Variants in GRIN3A observed in about 807,000 individuals in gnomAD.
GRIN3A encodes the protein glutamate ionotropic receptor NMDA type subunit 3A.
In GRIN3A, 47 loss-of-function variants were observed where a neutral mutation model predicts 92.4. The observed-to-expected ratio is 0.51, with a 90% confidence interval of 0.40 to 0.65. The LOEUF (loss-of-function observed/expected upper bound fraction) is 0.65. Ranked by LOEUF, GRIN3A falls within the 30% of genes least tolerant of loss-of-function variation. The pLI, the probability that GRIN3A is intolerant of heterozygous loss-of-function variation, is 0.00. For missense variants in GRIN3A, 1,324 were observed against 1,393.1 expected, an observed-to-expected ratio of 0.95 and a Z score of 0.79; for synonymous variants, 527 against 540.6, an observed-to-expected ratio of 0.97 and a Z score of 0.35.
At chr9:101,597,620 A>G (rs1436101806) in intron 6 of GRIN3A, among the ~76,000 whole-genome samples, 1 of 152,016 alleles carries the variant, frequency 6.6e-6, no homozygotes, top group Non-Finnish European at 1.5e-5. Flanking sequence ...ACTTGCAGAC[A>G]CTCTTGTGTT....
chr9:101,623,261 G>C, intron 5 of GRIN3A, 57 bp downstream of exon 5: 1 of 1,182,280 alleles, frequency 8.5e-7, no homozygotes, highest in East Asian at 2.3e-5. Flanking sequence ...TGACTTTCTA[G>C]GTTGGCAAAC....
intron 1 of GRIN3A, among the ~76,000 whole-genome samples, chr9:101,696,298 A>G (rs1829683173): frequency 6.6e-6 from 1 of 152,230 alleles, no homozygotes; most frequent in South Asian, 2.1e-4. Flanking sequence ...TAGAAGACAT[A>G]ATGCATTTGC....
rs994642679 is a variant in GRIN3A at position 101,629,320 on chromosome 9, A to T, written c.2353-919T>A. Among the ~76,000 whole-genome samples, 4 of 152,148 alleles carry T rather than the reference A, an allele frequency of 2.6e-5. No individual in the cohort carries two copies. In the East Asian group the frequency reaches 7.7e-4, roughly 29 times the overall value. On this transcript the variant is annotated intron_variant, in intron 3 of 8. Coordinates refer to ENST00000361820, the MANE Select transcript of GRIN3A (RefSeq NM_133445.3). Reference sequence around the variant, plus strand: ...GCACACACACCTTGGAAGAAAACACATTGGTGTTGAATTTACAGATGTATT... The same window carrying T: ...GCACACACACCTTGGAAGAAAACACTTTGGTGTTGAATTTACAGATGTATT...
At chr9:101,633,124 C>T (rs1197343036) in intron 3 of GRIN3A, among the ~76,000 whole-genome samples, 2 of 152,000 alleles carry the variant, frequency 1.3e-5, no homozygotes, top group East Asian at 1.9e-4. Flanking sequence ...ATGAGGCGAA[C>T]TCGGGAAATA....
At chr9:101,630,476 C>A (rs113585007) in intron 3 of GRIN3A, among the ~76,000 whole-genome samples, 3 of 152,178 alleles carry the variant, frequency 2.0e-5, no homozygotes, top group African/African-American at 7.2e-5. Context: ...ATATGTCTAT[C>A]ATCTTTTTAC....
chr9:101,623,994 T>C (rs1354033800), intron 4 of GRIN3A, among the ~76,000 whole-genome samples: 1 of 152,192 alleles, frequency 6.6e-6, no homozygotes, highest in Non-Finnish European at 1.5e-5. Flanking sequence ...TAAAAGGAAA[T>C]AACTGTCTAA....
At chr9:101,583,072 A>T (rs138264027) in intron 6 of GRIN3A, among the ~76,000 whole-genome samples, 260 of 152,298 alleles carry the variant, frequency 1.7e-3, no homozygotes, top group Middle Eastern at 6.8e-3. Context: ...ATTACCCTGT[A>T]AGTTAAGTGT....
At chr9:101,717,312 AC>A (rs1829959950) in intron 1 of GRIN3A, among the ~76,000 whole-genome samples, 2 of 152,180 alleles carry the variant, frequency 1.3e-5, no homozygotes, top group Admixed American at 1.3e-4. Context: ...GGTCCAAAAA[AC>A]AAAAAACAAA....
intron 1 of GRIN3A, among the ~76,000 whole-genome samples, chr9:101,694,585 A>T (rs1829657755): frequency 6.6e-6 from 1 of 152,048 alleles, no homozygotes; most frequent in Non-Finnish European, 1.5e-5. Context: ...CTCTCACCCA[A>T]ACCTTGGTAA....
intron 1 of GRIN3A, among the ~76,000 whole-genome samples, chr9:101,690,116 T>C (rs1207980599): frequency 6.6e-6 from 1 of 151,942 alleles, no homozygotes; most frequent in Non-Finnish European, 1.5e-5. Flanking sequence ...AAGAGAGAGG[T>C]GGGAGGGAGA....
chr9:101,599,211 T>C (rs1338915384), intron 6 of GRIN3A, among the ~76,000 whole-genome samples: 1 of 152,156 alleles, frequency 6.6e-6, no homozygotes, highest in East Asian at 1.9e-4. Context: ...TCAGATGAGG[T>C]AGCGTATATA....
chr9:101,724,212 G>T (rs979319646), intron 1 of GRIN3A, among the ~76,000 whole-genome samples: 10 of 152,332 alleles, frequency 6.6e-5, no homozygotes, highest in Admixed American at 3.3e-4. Flanking sequence ...CCCACTGAGG[G>T]TGTGGGAGGC....
intron 6 of GRIN3A, among the ~76,000 whole-genome samples, chr9:101,590,346 CTATTTATT>C (rs35611429): frequency 0.3 from 43,023 of 143,112 alleles, 6,761 homozygotes; most frequent in Middle Eastern, 0.37. Context: ...TAATGACACT[CTATTTATT>C]TATTTATTTA....
intron 6 of GRIN3A, among the ~76,000 whole-genome samples, chr9:101,611,337 C>G (rs10989561): frequency 1.3e-5 from 2 of 151,998 alleles, no homozygotes; most frequent in African/African-American, 4.8e-5. Context: ...TGGACTTTTT[C>G]CCTGTATGTC....
At position 101,573,500 on chromosome 9, in the gene GRIN3A, G is replaced by C; in HGVS notation, c.3022C>G (p.Pro1008Ala). 1 of 1,613,606 alleles carries C rather than the reference G, an allele frequency of 6.2e-7. No homozygotes were observed. The highest frequency in any genetic ancestry group is 8.5e-7 in the Non-Finnish European group (1 of 1,179,590). The change falls in exon 9 of 9, where the codon CCC (proline) becomes GCC (alanine). Residue 1008 changes from proline to alanine, a missense_variant. Coordinates refer to ENST00000361820, the MANE Select transcript of GRIN3A (RefSeq NM_133445.3). ...GTATTCCATACGGTAAGCTGACGGG[G>C]TCCCACATTAGACCTAGGAAACAGA... The part of the protein sequence containing the change: ...KRVEKRSNVG[P>A]RQLTVWNTSN...
intron 6 of GRIN3A, among the ~76,000 whole-genome samples, chr9:101,589,125 C>T (rs560392162): frequency 1.3e-5 from 2 of 152,202 alleles, no homozygotes; most frequent in African/African-American, 2.4e-5. Context: ...CATGTGCCAC[C>T]ACGCCTGGCT....
At chr9:101,680,019 A>G (rs1374379406) in intron 2 of GRIN3A, among the ~76,000 whole-genome samples, 2 of 152,238 alleles carry the variant, frequency 1.3e-5, no homozygotes, top group African/African-American at 4.8e-5. Flanking sequence ...ACTAATTCTG[A>G]AAGAGCCTGG....
At chr9:101,683,479 G>T (rs1379628109) in intron 2 of GRIN3A, among the ~76,000 whole-genome samples, 2 of 152,256 alleles carry the variant, frequency 1.3e-5, no homozygotes, top group East Asian at 3.9e-4. Flanking sequence ...AATAAATAAG[G>T]ATGATGGAAA....
chr9:101,686,231 T>A (rs1297478694), intron 2 of GRIN3A, among the ~76,000 whole-genome samples: 3 of 152,232 alleles, frequency 2.0e-5, no homozygotes, highest in Non-Finnish European at 4.4e-5. Context: ...TTTTCATATA[T>A]AAATTTCATG....
Sources: gnomAD v4.1 joint callset for allele counts (sites outside exome capture counted in the v4.1 genomes callset) on GRCh38, gnomAD v4.1.1 for gene constraint, MANE v1.5 for transcripts, NCBI Gene and HGNC (gene_info 2026-07-23, HGNC 2026-07-21) for gene names.